The following CAST variants were observed in gnomAD, a reference collection of about 807,000 sequenced individuals.
The protein encoded by CAST is MIR583 host.
In CAST, 76 loss-of-function variants were observed where a neutral mutation model predicts 119.6. The ratio of observed to expected loss-of-function variants is 0.64; its 90% CI spans 0.53 to 0.77. The LOEUF (loss-of-function observed/expected upper bound fraction) is 0.77, where lower values mean the gene tolerates loss of function less well. Ranked by LOEUF, CAST falls within the 30% of genes least tolerant of loss-of-function variation. CAST has a pLI of 0.00. For missense variants in CAST, 953 were observed against 946.5 expected (o/e 1.01, Z -0.09); for synonymous variants, 319 against 331.6 (o/e 0.96, Z 0.41).
At chr5:96,189,634 G>A in the CAST span, among the ~76,000 whole-genome samples, 3 of 151,984 alleles carry the variant, frequency 2.0e-5, no homozygotes, top group Non-Finnish European at 4.4e-5. Context: ...TGAACTTTGT[G>A]GATTGATACT....
At chr5:96,533,278 C>T (rs370018425) in intron 1 of CAST, among the ~76,000 whole-genome samples, 7 of 151,964 alleles carry the variant, frequency 4.6e-5, no homozygotes, top group East Asian at 3.9e-4. Context: ...TAAGAAACAA[C>T]AAAAAGATAA....
rs146516332 is a variant in CAST at position 96,582,434 on chromosome 5, C to T, written c.60+52554C>T. ...AATGCCTCCTTCATATTCACAGTCA[C>T]TCGTTGAAAGTGACTAATTTATGAC... On this transcript the variant is annotated intron_variant, in intron 1 of 11. Transcript: ENST00000505143. Among the ~76,000 whole-genome samples, 770 of 152,328 alleles carry T rather than the reference C, an allele frequency of 5.1e-3. 13 individuals carry two copies. The highest frequency in any genetic ancestry group is 0.018 in the African/African-American group (734 of 41,556).
intron 2 of CAST, among the ~76,000 whole-genome samples, chr5:96,691,463 C>T (rs1224300609): frequency 6.6e-6 from 1 of 152,136 alleles, no homozygotes; most frequent in African/African-American, 2.4e-5. Context: ...TAATTGTATA[C>T]ATAATAAAAC....
chr5:96,646,117 T>C (rs1195766678), intron 1 of CAST, among the ~76,000 whole-genome samples: 2 of 149,272 alleles, frequency 1.3e-5, no homozygotes, highest in Admixed American at 6.6e-5. Context: ...GATAAAAAAA[T>C]TGATAAAACA....
At chr5:96,228,029 A>C in the CAST span, among the ~76,000 whole-genome samples, 1 of 150,756 alleles carries the variant, frequency 6.6e-6, no homozygotes, top group African/African-American at 2.4e-5. Flanking sequence ...GTGTGTGTGC[A>C]CGCACATGTG....
the CAST span, among the ~76,000 whole-genome samples, chr5:96,109,113 C>T: frequency 5.9e-5 from 9 of 152,210 alleles, no homozygotes; most frequent in Non-Finnish European, 8.8e-5. Flanking sequence ...CACTGACCTG[C>T]GCCCACTGTC....
intron 3 of CAST, among the ~76,000 whole-genome samples, chr5:96,716,533 G>C (rs1303377818): frequency 6.6e-6 from 1 of 152,232 alleles, no homozygotes; most frequent in Non-Finnish European, 1.5e-5. Flanking sequence ...GATGGGGATG[G>C]GGATGGGTGG....
the CAST span, among the ~76,000 whole-genome samples, chr5:96,414,370 T>C: frequency 6.6e-6 from 1 of 152,160 alleles, no homozygotes; most frequent in South Asian, 2.1e-4. Flanking sequence ...CTCCTCACTT[T>C]ATAAATGGAG....
At chr5:96,074,967 AC>A in the CAST span, among the ~76,000 whole-genome samples, 1 of 152,204 alleles carries the variant, frequency 6.6e-6, no homozygotes, top group African/African-American at 2.4e-5. Flanking sequence ...GGCCCAGGAT[AC>A]CTTTTTCTTT....
intron 29 of CAST, chr5:96,769,575 C>CA (rs1315965936): frequency 6.6e-6 from 1 of 152,000 alleles, no homozygotes; most frequent in Non-Finnish European, 1.5e-5. Context: ...ATCATTCTCA[C>CA]ACAACTACTT....
chr5:96,425,220 C>A, the CAST span, among the ~76,000 whole-genome samples: 8 of 152,166 alleles, frequency 5.3e-5, no homozygotes, highest in Non-Finnish European at 1.5e-5. Flanking sequence ...TACTACCATA[C>A]AGACGTAACA....
the CAST span, among the ~76,000 whole-genome samples, chr5:96,146,943 A>G: frequency 6.6e-6 from 1 of 152,314 alleles, no homozygotes; most frequent in South Asian, 2.1e-4. Context: ...GTTACTTTGT[A>G]TCAAAGTCCA....
chr5:96,267,355 T>C, the CAST span, among the ~76,000 whole-genome samples: 1 of 152,046 alleles, frequency 6.6e-6, no homozygotes, highest in Non-Finnish European at 1.5e-5. Flanking sequence ...TTGACCCAAA[T>C]AAGACTGCCC....
the CAST span, chr5:96,319,007 G>A: frequency 6.6e-6 from 1 of 152,156 alleles, no homozygotes; most frequent in Admixed American, 6.5e-5. Context: ...ATAAAGAAAA[G>A]ACATTTATTT....
chr5:96,614,508 T>G (rs1388918545), intron 1 of CAST, among the ~76,000 whole-genome samples: 2 of 152,214 alleles, frequency 1.3e-5, no homozygotes, highest in African/African-American at 4.8e-5. Context: ...GAGTTCAATT[T>G]AGGTACTTAA....
chr5:96,365,039 G>A, the CAST span, among the ~76,000 whole-genome samples: 1 of 152,172 alleles, frequency 6.6e-6, no homozygotes, highest in South Asian at 2.1e-4. Context: ...GTTCTCATTG[G>A]TTTCAAAGAA....
At chr5:96,646,544 A>G (rs1748016171) in intron 1 of CAST, among the ~76,000 whole-genome samples, 1 of 152,108 alleles carries the variant, frequency 6.6e-6, no homozygotes, top group Non-Finnish European at 1.5e-5. Context: ...TATGTCTGTA[A>G]AAACAGAAAT....
intron 17 of CAST, among the ~76,000 whole-genome samples, chr5:96,747,021 T>A (rs1317804236): frequency 1.3e-5 from 2 of 152,236 alleles, no homozygotes; most frequent in South Asian, 4.1e-4. Flanking sequence ...GGTTGGAGAA[T>A]TGGGGTTTTT....
At chr5:96,099,906 C>T in the CAST span, among the ~76,000 whole-genome samples, 1 of 152,192 alleles carries the variant, frequency 6.6e-6, no homozygotes, top group East Asian at 1.9e-4. Flanking sequence ...AGGAATGGTA[C>T]CAACTCTTCT....
Sources: allele counts gnomAD v4.1 joint callset (sites outside exome capture counted in the v4.1 genomes callset), GRCh38; gene constraint gnomAD v4.1.1; transcripts MANE v1.5; gene names NCBI Gene and HGNC (gene_info 2026-07-23, HGNC 2026-07-21).